The following DPP6 variants were observed in gnomAD, a reference collection of about 807,000 sequenced individuals.
DPP6 encodes the protein dipeptidyl peptidase like 6.
In DPP6, 69 loss-of-function variants were observed where a neutral mutation model predicts 122.6. The observed-to-expected ratio is 0.56, with a 90% CI of 0.46 to 0.69. DPP6 has a LOEUF of 0.69. Among genes scored for constraint, DPP6 ranks in the 30% least tolerant of loss-of-function variants. The pLI, the probability that DPP6 is intolerant of heterozygous loss-of-function variation, is 0.00. For missense variants in DPP6, 928 were observed against 1,116.9 expected (o/e 0.83, Z 2.41); for synonymous variants, 418 against 433.1 (o/e 0.97, Z 0.43).
chr7:154,313,751 A>ACCCACATACACC (rs1563460894), intron 1 of DPP6, among the ~76,000 whole-genome samples: 1 of 45,262 alleles, frequency 2.2e-5, no homozygotes, highest in Non-Finnish European at 5.3e-5. Flanking sequence ...ACACACACAC[A>ACCCACATACACC]CCCTTACATA....
chr7:154,699,653 A>T (rs1840404938), intron 7 of DPP6, among the ~76,000 whole-genome samples: 1 of 152,172 alleles, frequency 6.6e-6, no homozygotes, highest in Non-Finnish European at 1.5e-5. Flanking sequence ...GTGACTCAGT[A>T]TGTCTGGGGT....
At chr7:154,324,008 A>T (rs1808202417) in intron 1 of DPP6, among the ~76,000 whole-genome samples, 1 of 152,210 alleles carries the variant, frequency 6.6e-6, no homozygotes, top group Non-Finnish European at 1.5e-5. Context: ...TTCCAATGAC[A>T]CTTAAAAGGA....
At chr7:154,401,744 A>G (rs996299708) in intron 1 of DPP6, among the ~76,000 whole-genome samples, 1 of 152,218 alleles carries the variant, frequency 6.6e-6, no homozygotes, top group Non-Finnish European at 1.5e-5. Context: ...AAAATTGACA[A>G]ATGGGATCTA....
chr7:154,346,266 C>G (rs1197993286), intron 1 of DPP6, among the ~76,000 whole-genome samples: 2 of 152,160 alleles, frequency 1.3e-5, no homozygotes, highest in Non-Finnish European at 2.9e-5. Context: ...ACTTTTCAAG[C>G]CTCTCAAACC....
chr7:154,102,506 C>G (rs1031649402), intron 1 of DPP6, among the ~76,000 whole-genome samples: 1 of 152,136 alleles, frequency 6.6e-6, no homozygotes, highest in Non-Finnish European at 1.5e-5. Context: ...TTTTTAGTTT[C>G]TGTGGGGACC....
intron 1 of DPP6, among the ~76,000 whole-genome samples, chr7:154,286,799 T>C (rs1211462551): frequency 1.4e-5 from 2 of 145,602 alleles, no homozygotes; most frequent in African/African-American, 4.9e-5. Flanking sequence ...TGCCTATGAT[T>C]TCTTCTTTTT....
intron 16 of DPP6, among the ~76,000 whole-genome samples, chr7:154,835,073 C>T (rs183211398): frequency 1.3e-4 from 20 of 152,148 alleles, no homozygotes; most frequent in African/African-American, 4.3e-4. Context: ...GACCCTAAGA[C>T]CTACCTCTAG....
chr7:154,628,180 C>T (rs963101328), intron 5 of DPP6, among the ~76,000 whole-genome samples: 7 of 152,186 alleles, frequency 4.6e-5, no homozygotes, highest in African/African-American at 1.4e-4. Flanking sequence ...CTTCTATTAA[C>T]AGGGGCTGTT....
intron 1 of DPP6, among the ~76,000 whole-genome samples, chr7:154,270,552 G>T (rs1803717998): frequency 1.3e-5 from 2 of 152,136 alleles, no homozygotes; most frequent in African/African-American, 4.8e-5. Flanking sequence ...CCCAGAGGAT[G>T]CTCAGGTCTA....
intron 1 of DPP6, among the ~76,000 whole-genome samples, chr7:153,912,901 A>G (rs563480344): frequency 6.6e-6 from 1 of 152,092 alleles, no homozygotes; most frequent in Non-Finnish European, 1.5e-5. Flanking sequence ...AAAATAGTAA[A>G]CCTCTGAAAT....
chr7:154,140,374 C>A (rs560330476), intron 1 of DPP6, among the ~76,000 whole-genome samples: 13 of 152,346 alleles, frequency 8.5e-5, no homozygotes, highest in Non-Finnish European at 1.0e-4. Flanking sequence ...AACATGTAAA[C>A]ATGGGTAACA....
chr7:153,941,320 C>T (rs561630542), intron 1 of DPP6, among the ~76,000 whole-genome samples: 4 of 152,314 alleles, frequency 2.6e-5, no homozygotes, highest in African/African-American at 9.6e-5. Context: ...CTGACACAGC[C>T]ATGGCATTTT....
chr7:154,275,531 A>C (rs1298564273), intron 1 of DPP6, among the ~76,000 whole-genome samples: 1 of 152,152 alleles, frequency 6.6e-6, no homozygotes, highest in East Asian at 1.9e-4. Flanking sequence ...TTCCAAATTG[A>C]GAAGACAAAA....
chr7:154,811,545 A>G (rs1587217893), intron 16 of DPP6, among the ~76,000 whole-genome samples: 1 of 152,256 alleles, frequency 6.6e-6, no homozygotes, highest in African/African-American at 2.4e-5. Flanking sequence ...GGGAAAAAGC[A>G]GTCCAAGTGG....
chr7:153,837,071 G>A, the DPP6 span, among the ~76,000 whole-genome samples: 1 of 152,118 alleles, frequency 6.6e-6, no homozygotes, highest in Non-Finnish European at 1.5e-5. Context: ...GAAAATATTT[G>A]ACACTGAGAT....
intron 5 of DPP6, among the ~76,000 whole-genome samples, chr7:154,598,525 A>G (rs1833238091): frequency 6.6e-6 from 1 of 152,184 alleles, no homozygotes; most frequent in South Asian, 2.1e-4. Context: ...CCAAGAACAA[A>G]ACACTGGTGC....
intron 5 of DPP6, among the ~76,000 whole-genome samples, chr7:154,608,631 C>T (rs1012919129): frequency 9.9e-5 from 15 of 151,934 alleles, no homozygotes; most frequent in Admixed American, 3.3e-4. Flanking sequence ...CCACTGCGCC[C>T]GGCCGATCAT....
At chr7:153,799,046 C>T in the DPP6 span, among the ~76,000 whole-genome samples, 3 of 152,178 alleles carry the variant, frequency 2.0e-5, no homozygotes, top group East Asian at 3.9e-4. Context: ...CTTGGCCACC[C>T]CTCACCTCCT....
At position 154,661,625 on chromosome 7, in the gene DPP6, C is replaced by T. The variant is rs1319578820; in HGVS notation, c.681-7735C>T. Among the ~76,000 whole-genome samples, 14 of 145,576 alleles carry T rather than the reference C, an allele frequency of 9.6e-5. No homozygotes were observed. The South Asian group carries it at 1.6e-3, about 16-fold the overall frequency. ...ATATAGTCATGGTGAATCACCATGGCGTATTGGCCGTAGTATTCATATAGT... is the reference window on the plus strand; with the variant it reads ...ATATAGTCATGGTGAATCACCATGGTGTATTGGCCGTAGTATTCATATAGT... On this transcript the variant is annotated intron_variant, in intron 6 of 25. Transcript: ENST00000377770.
Sources: allele counts gnomAD v4.1 joint callset (sites outside exome capture counted in the v4.1 genomes callset), GRCh38; gene constraint gnomAD v4.1.1; transcripts MANE v1.5; gene names NCBI Gene and HGNC (gene_info 2026-07-23, HGNC 2026-07-21).